UNC13C: variants seen among roughly 807,000 people sequenced by gnomAD.
The protein encoded by UNC13C is protein unc-13 homolog C.
In UNC13C, 174 loss-of-function variants were observed where a neutral mutation model predicts 245.4. The observed-to-expected ratio is 0.71, with a 90% CI of 0.63 to 0.80. The LOEUF is 0.80. Ranked by LOEUF, UNC13C falls within the 30% of genes least tolerant of loss-of-function variation. UNC13C has a pLI of 0.00. For synonymous variants in UNC13C, 992 were observed against 895.1 expected (o/e 1.11, Z -1.93); for missense variants, 2,829 against 2,602.9 (o/e 1.09, Z -1.89).
chr15:54,271,770 C>T (rs1170174500), intron 10 of UNC13C, among the ~76,000 whole-genome samples: 1 of 152,148 alleles, frequency 6.6e-6, no homozygotes, highest in African/African-American at 2.4e-5. Context: ...GTCTAGTCAA[C>T]AAAATGCCTG....
At chr15:53,883,341 C>T in the UNC13C span, among the ~76,000 whole-genome samples, 4 of 152,190 alleles carry the variant, frequency 2.6e-5, no homozygotes, top group East Asian at 5.8e-4. Context: ...TTGCTGTTTG[C>T]TTTGAAATAT....
At chr15:54,447,151 A>G (rs533528363) in intron 19 of UNC13C, among the ~76,000 whole-genome samples, 1 of 152,280 alleles carries the variant, frequency 6.6e-6, no homozygotes, top group African/African-American at 2.4e-5. Flanking sequence ...CCACTTGATC[A>G]TGGTGGATAA....
intron 19 of UNC13C, among the ~76,000 whole-genome samples, chr15:54,460,120 T>C (rs1225715551): frequency 1.3e-5 from 2 of 152,216 alleles, no homozygotes; most frequent in East Asian, 3.9e-4. Context: ...CCCCTAGGAA[T>C]GGGGCTTCCT....
intron 26 of UNC13C, among the ~76,000 whole-genome samples, chr15:54,545,707 G>A (rs1359492551): frequency 2.0e-5 from 3 of 152,100 alleles, no homozygotes; most frequent in African/African-American, 7.2e-5. Flanking sequence ...ATGAAAAAAA[G>A]CTCATTATTA....
intron 2 of UNC13C, among the ~76,000 whole-genome samples, chr15:54,134,887 C>G (rs904585827): frequency 1.3e-5 from 2 of 152,080 alleles, no homozygotes; most frequent in African/African-American, 2.4e-5. Context: ...TTTTGAGGAA[C>G]CTCCATACTG....
chr15:54,308,384 T>A (rs2037780410), intron 13 of UNC13C, among the ~76,000 whole-genome samples: 1 of 151,932 alleles, frequency 6.6e-6, no homozygotes, highest in East Asian at 1.9e-4. Flanking sequence ...TTTTAAAAAT[T>A]GATTGATAAA....
intron 4 of UNC13C, among the ~76,000 whole-genome samples, chr15:54,214,341 G>A (rs2034975297): frequency 6.6e-6 from 1 of 151,828 alleles, no homozygotes; most frequent in Non-Finnish European, 1.5e-5. Flanking sequence ...TCTTGGTACT[G>A]TCTATCAAAG....
At chr15:53,932,411 A>G in the UNC13C span, among the ~76,000 whole-genome samples, 1 of 152,154 alleles carries the variant, frequency 6.6e-6, no homozygotes, top group Non-Finnish European at 1.5e-5. Flanking sequence ...ATTCACAGGT[A>G]CCCCATTCTA....
At chr15:54,432,873 G>A (rs917281809) in intron 19 of UNC13C, among the ~76,000 whole-genome samples, 1 of 151,834 alleles carries the variant, frequency 6.6e-6, no homozygotes, top group African/African-American at 2.4e-5. Context: ...AGAAAAGAGA[G>A]AAGAATCAAA....
rs144247564 is a variant in UNC13C, at chr15:54,116,390, A to G, written c.2984-26628A>G. 4.6e-3 allele frequency among the ~76,000 whole-genome samples: 703 copies of G among 152,172 alleles called. 2 individuals are homozygous for G. Among genetic ancestry groups the G allele is most frequent in the Non-Finnish European group, 8.4e-3 (570 of 67,968 alleles). On this transcript the variant is annotated intron_variant, in intron 2 of 32. Transcript: ENST00000260323. ...TCTTATTTTTTGTCTATCTAACTCT[A>G]TATTTGTGCCCACTAATCAGCCTAT...
At chr15:54,074,838 T>G (rs1011438751) in intron 2 of UNC13C, among the ~76,000 whole-genome samples, 6 of 150,788 alleles carry the variant, frequency 4.0e-5, no homozygotes, top group Admixed American at 6.7e-5. Flanking sequence ...CAATTTGACT[T>G]CCTCTCTTCC....
the UNC13C span, among the ~76,000 whole-genome samples, chr15:53,883,422 A>G: frequency 1.3e-5 from 2 of 152,194 alleles, no homozygotes. Context: ...TTTGGGGCGG[A>G]GTCACAAGCA....
At chr15:54,600,746 A>G (rs1342958159) in intron 30 of UNC13C, among the ~76,000 whole-genome samples, 6 of 152,114 alleles carry the variant, frequency 3.9e-5, no homozygotes, top group Non-Finnish European at 8.8e-5. Flanking sequence ...TACCTTAAGA[A>G]AACCCCATAC....
chr15:54,026,512 A>G (rs909463970), intron 2 of UNC13C, among the ~76,000 whole-genome samples: 1 of 152,354 alleles, frequency 6.6e-6, no homozygotes, highest in Non-Finnish European at 1.5e-5. Flanking sequence ...AGTGGTTCTC[A>G]GGTTGCAGTA....
downstream of UNC13C, chr15:54,633,416 A>G (rs1002956267): frequency 6.6e-6 from 1 of 151,946 alleles, no homozygotes; most frequent in Non-Finnish European, 1.5e-5. Flanking sequence ...TCAAAATCCA[A>G]TTGTTTATTT....
At chr15:54,258,382 G>A (rs182300215) in intron 8 of UNC13C, among the ~76,000 whole-genome samples, 4 of 151,926 alleles carry the variant, frequency 2.6e-5, no homozygotes, top group South Asian at 4.2e-4. Flanking sequence ...TTATTTTTTT[G>A]AGACAAAGTC....
At chr15:54,537,378 G>T (rs1339455607) in intron 26 of UNC13C, among the ~76,000 whole-genome samples, 1 of 151,918 alleles carries the variant, frequency 6.6e-6, no homozygotes, top group East Asian at 1.9e-4. Flanking sequence ...TGGATAGGAA[G>T]ACTCAATATT....
chr15:54,325,131 A>T (rs550279234), intron 14 of UNC13C, among the ~76,000 whole-genome samples: 1 of 152,040 alleles, frequency 6.6e-6, no homozygotes, highest in Non-Finnish European at 1.5e-5. Context: ...CATAAATATG[A>T]TACAGTCATT....
At chr15:54,347,057 G>T (rs993643928) in intron 17 of UNC13C, among the ~76,000 whole-genome samples, 4 of 152,158 alleles carry the variant, frequency 2.6e-5, no homozygotes, top group Non-Finnish European at 5.9e-5. Flanking sequence ...AGAGCAGGAT[G>T]AATTAGCTGG....
Sources: allele counts gnomAD v4.1 joint callset (sites outside exome capture counted in the v4.1 genomes callset), GRCh38; gene constraint gnomAD v4.1.1; transcripts MANE v1.5; gene names NCBI Gene and HGNC (gene_info 2026-07-23, HGNC 2026-07-21).